The following PTPRK variants were observed in gnomAD, a reference collection of about 807,000 sequenced individuals.
The protein encoded by PTPRK is receptor-type tyrosine-protein phosphatase kappa.
Under a neutral mutation model 178.0 loss-of-function variants are expected in PTPRK, and 75 were observed. The ratio of observed to expected loss-of-function variants is 0.42; its 90% CI spans 0.35 to 0.51. The LOEUF (loss-of-function observed/expected upper bound fraction) is 0.51. Ranked by LOEUF, PTPRK falls within the 20% of genes least tolerant of loss-of-function variation. The probability of loss-of-function intolerance (pLI) is 0.02; values close to 1 mark genes in which losing one functional copy is unlikely to be tolerated. For missense variants in PTPRK, 1,441 were observed against 1,797.8 expected (o/e 0.80, Z 3.59); for synonymous variants, 637 against 620.6 (o/e 1.03, Z -0.39).
chr6:128,323,626 T>C (rs1450137773), intron 2 of PTPRK, among the ~76,000 whole-genome samples: 1 of 152,150 alleles, frequency 6.6e-6, no homozygotes, highest in Non-Finnish European at 1.5e-5. Flanking sequence ...GCAGAGAGGA[T>C]GGTGTCAACT....
chr6:128,264,074 T>C lies in PTPRK; in HGVS notation c.496-21472A>G, dbSNP rs558588155. Among the ~76,000 whole-genome samples the C allele has an allele frequency of 3.5e-4, 53 of 152,192 alleles. No homozygotes were observed. In the South Asian group the frequency reaches 9.8e-3, roughly 28 times the overall value. Reference sequence around the variant, plus strand: ...AAAAAGCCATACCCATCAGTGGAGATTGGCAGCAAAGCTAAAACATGACAA... The same window carrying C: ...AAAAAGCCATACCCATCAGTGGAGACTGGCAGCAAAGCTAAAACATGACAA... On this transcript the variant is annotated intron_variant, in intron 3 of 29. Coordinates refer to ENST00000368226, the MANE Select transcript of PTPRK (RefSeq NM_002844.4).
intron 7 of PTPRK, among the ~76,000 whole-genome samples, chr6:128,149,473 C>T (rs1049617258): frequency 2.6e-5 from 4 of 152,006 alleles, no homozygotes; most frequent in Admixed American, 6.6e-5. Context: ...ATTGCAGTCA[C>T]AATGTAATGT....
At chr6:128,496,888 A>G (rs2128434241) in intron 1 of PTPRK, among the ~76,000 whole-genome samples, 1 of 152,338 alleles carries the variant, frequency 6.6e-6, no homozygotes, top group Middle Eastern at 3.4e-3. Flanking sequence ...TTTTCTCACA[A>G]AATCTTACTC....
At chr6:128,277,971 T>A (rs1353958223) in intron 3 of PTPRK, among the ~76,000 whole-genome samples, 1 of 152,114 alleles carries the variant, frequency 6.6e-6, no homozygotes, top group Non-Finnish European at 1.5e-5. Context: ...AAATTGAGTT[T>A]GTTTTAAAAG....
chr6:128,271,657 A>G lies in PTPRK; in HGVS notation c.496-29055T>C, dbSNP rs149991514. ...TTCTCAATCAAAGTTTAAAGCATTC[A>G]CAAAACCCTAGCAGCACACTGGTGT... On this transcript the variant is annotated intron_variant, in intron 3 of 29. Coordinates refer to ENST00000368226, the MANE Select transcript of PTPRK (RefSeq NM_002844.4). Among the ~76,000 whole-genome samples, 277 of 152,164 alleles carry G rather than the reference A, an allele frequency of 1.8e-3. 2 individuals are homozygous for G. Among genetic ancestry groups the G allele is most frequent in the African/African-American group, 5.9e-3 (247 of 41,542 alleles).
At chr6:128,343,375 C>T (rs940151248) in intron 2 of PTPRK, among the ~76,000 whole-genome samples, 3 of 151,744 alleles carry the variant, frequency 2.0e-5, no homozygotes, top group Non-Finnish European at 2.9e-5. Flanking sequence ...CAGTGGGTGC[C>T]TATAATCCCA....
chr6:128,345,224 C>T (rs951539261), intron 2 of PTPRK, among the ~76,000 whole-genome samples: 1 of 152,040 alleles, frequency 6.6e-6, no homozygotes, highest in Non-Finnish European at 1.5e-5. Context: ...TCAGTGAATG[C>T]TATTTTAAGC....
At chr6:128,117,907 C>A (rs1177229473) in intron 7 of PTPRK, among the ~76,000 whole-genome samples, 2 of 152,144 alleles carry the variant, frequency 1.3e-5, no homozygotes, top group Non-Finnish European at 2.9e-5. Flanking sequence ...CCCACGTCGG[C>A]CAAAGTGTTG....
chr6:128,332,958 T>C (rs915736751), intron 2 of PTPRK, among the ~76,000 whole-genome samples: 1 of 152,214 alleles, frequency 6.6e-6, no homozygotes. Context: ...TCTGAAATCA[T>C]GGCACTCTCC....
At chr6:128,059,041 C>T (rs1269487723) in intron 13 of PTPRK, among the ~76,000 whole-genome samples, 1 of 152,026 alleles carries the variant, frequency 6.6e-6, no homozygotes, top group Non-Finnish European at 1.5e-5. Context: ...TATTCTTGTG[C>T]TATTACCACA....
intron 2 of PTPRK, among the ~76,000 whole-genome samples, chr6:128,353,806 G>A (rs1392558222): frequency 1.3e-5 from 2 of 152,122 alleles, no homozygotes; most frequent in Non-Finnish European, 2.9e-5. Context: ...GATTATCGTG[G>A]TAGTTACTAT....
intron 1 of PTPRK, among the ~76,000 whole-genome samples, chr6:128,471,451 T>C (rs1850638920): frequency 6.7e-6 from 1 of 150,374 alleles, no homozygotes. Flanking sequence ...CAGAAAAAAA[T>C]AATAATGATA....
intron 3 of PTPRK, among the ~76,000 whole-genome samples, chr6:128,320,629 C>T: frequency 6.6e-6 from 1 of 152,104 alleles, no homozygotes; most frequent in East Asian, 1.9e-4. Context: ...TGAATCAGAA[C>T]TTCTTTCCAG....
intron 27 of PTPRK, among the ~76,000 whole-genome samples, chr6:127,975,046 C>A (rs1236400986): frequency 6.6e-6 from 1 of 151,744 alleles, no homozygotes; most frequent in African/African-American, 2.4e-5. Context: ...ATGTTTGATG[C>A]AGTTAAATAT....
intron 3 of PTPRK, among the ~76,000 whole-genome samples, chr6:128,262,259 G>T (rs1225047928): frequency 6.6e-6 from 1 of 152,082 alleles, no homozygotes; most frequent in African/African-American, 2.4e-5. Flanking sequence ...ATGTGAGACA[G>T]CCTCAATATT....
At chr6:128,297,035 C>G (rs1486938517) in intron 3 of PTPRK, among the ~76,000 whole-genome samples, 5 of 150,654 alleles carry the variant, frequency 3.3e-5, no homozygotes, top group Non-Finnish European at 7.4e-5. Flanking sequence ...GGAAGATCTA[C>G]CAAGCAAATG....
Position 127,973,644 on chromosome 6 carries a change from G to A in PTPRK, c.4133+20C>T. The A allele has an allele frequency of 6.2e-7, 1 of 1,610,462 alleles. No homozygotes were observed. Among genetic ancestry groups the A allele is most frequent in the South Asian group, 1.1e-5 (1 of 90,818 alleles). ...AAGCACCAAGGCCCCATGAATGACA[G>A]GCTGAGCTGCCCTACTCACAGGCAG... On this transcript the variant is annotated intron_variant, in intron 28 of 29. Transcript: ENST00000368226.
chr6:128,294,645 G>T (rs1324919578), intron 3 of PTPRK, among the ~76,000 whole-genome samples: 1 of 152,040 alleles, frequency 6.6e-6, no homozygotes, highest in African/African-American at 2.4e-5. Context: ...TTGGTAGACA[G>T]AGGGTATATC....
chr6:128,244,308 A>T (rs144307328), intron 3 of PTPRK, among the ~76,000 whole-genome samples: 215 of 152,344 alleles, frequency 1.4e-3, no homozygotes, highest in Non-Finnish European at 2.2e-3. Context: ...CTGACGAAGG[A>T]TATCAGATAA....
Sources: gnomAD v4.1 joint callset for allele counts (sites outside exome capture counted in the v4.1 genomes callset) on GRCh38, gnomAD v4.1.1 for gene constraint, MANE v1.5 for transcripts, NCBI Gene and HGNC (gene_info 2026-07-23, HGNC 2026-07-21) for gene names.